MOK: variants seen among roughly 807,000 people sequenced by gnomAD.
MOK encodes the protein MOK protein kinase, also known as MAPK/MAK/MRK overlapping kinase.
MOK carries 59 observed loss-of-function variants against 54.2 expected under a neutral mutation model. The ratio of observed to expected loss-of-function variants is 1.09; its 90% CI spans 0.88 to 1.35. MOK has a LOEUF of 1.35. Among genes scored for constraint, MOK ranks in the 40% most tolerant of loss-of-function variants. The pLI, the probability that MOK is intolerant of heterozygous loss-of-function variation, is 0.00. For missense variants in MOK, 517 were observed against 526.2 expected, an observed-to-expected ratio of 0.98 and a Z score of 0.17; for synonymous variants, 210 against 202.7, an observed-to-expected ratio of 1.04 and a Z score of -0.31.
the MOK span, among the ~76,000 whole-genome samples, chr14:102,217,245 C>T: frequency 1.3e-5 from 2 of 152,168 alleles, no homozygotes; most frequent in Non-Finnish European, 1.5e-5. Flanking sequence ...CCAGTGACAG[C>T]CCGGGCCGGT....
At chr14:102,226,160 G>A (rs534515303), downstream of MOK, 76 of 596,732 alleles carry the variant, frequency 1.3e-4, 1 homozygote, top group African/African-American at 1.4e-3. This position sits in a 1 kb window ranked among gnomAD's most constrained non-coding sequence, Gnocchi z 4.8. Flanking sequence ...GATGGAGATG[G>A]CTGCTTACTG....
At chr14:102,269,951 T>C (rs1400962873) in intron 2 of MOK, among the ~76,000 whole-genome samples, 3 of 152,224 alleles carry the variant, frequency 2.0e-5, no homozygotes, top group African/African-American at 7.2e-5. Context: ...TACAGAACAG[T>C]ATATTCAACA....
intron 2 of MOK, among the ~76,000 whole-genome samples, chr14:102,269,469 CTTTT>C (rs549235481): frequency 3.9e-5 from 5 of 129,360 alleles, no homozygotes; most frequent in African/African-American, 8.6e-5. Context: ...CCACAACCAG[CTTTT>C]TTTTTTTTTT....
chr14:102,268,161 A>G (rs1338232586), intron 2 of MOK, among the ~76,000 whole-genome samples: 3 of 152,178 alleles, frequency 2.0e-5, no homozygotes, highest in African/African-American at 7.2e-5. Context: ...TAATAGGAAA[A>G]CCAGTTATCA....
At chr14:102,218,703 G>A in the MOK span, among the ~76,000 whole-genome samples, 3 of 151,956 alleles carry the variant, frequency 2.0e-5, no homozygotes, top group East Asian at 1.9e-4. Flanking sequence ...GTGACTCTGC[G>A]GGGAGCCAAG....
chr14:102,268,199 A>G (rs1194568712), intron 2 of MOK, among the ~76,000 whole-genome samples: 1 of 152,184 alleles, frequency 6.6e-6, no homozygotes, highest in Non-Finnish European at 1.5e-5. Context: ...TGCTTATTGT[A>G]GATAGGATTC....
chr14:102,218,046 G>A, the MOK span, among the ~76,000 whole-genome samples: 5 of 152,232 alleles, frequency 3.3e-5, no homozygotes, highest in Non-Finnish European at 7.3e-5. Flanking sequence ...CTGGCACCAA[G>A]CTCCCGGATG....
intron 4 of MOK, among the ~76,000 whole-genome samples, chr14:102,256,187 C>T (rs2066932746): frequency 6.6e-6 from 1 of 151,950 alleles, no homozygotes; most frequent in East Asian, 1.9e-4. Flanking sequence ...GCCTCGACCT[C>T]CTGGGCTCAA....
At position 102,251,781 on chromosome 14, in the gene MOK, A is replaced by G; in HGVS notation, c.386T>C (p.Val129Ala). ...CTTTATTAGTATATTTTCTGGTTTT[A>G]CATCTCTGTGAAATATTCCATTTCT... ...IHRNGIFHRDVKPENILIKQD... is the reference protein window; with the variant it reads ...IHRNGIFHRDAKPENILIKQD... Residue 129 changes from valine (V) to alanine (A), a missense_variant, in exon 6 of 12, where the codon GTA (valine) becomes GCA (alanine). Coordinates refer to ENST00000361847, the MANE Select transcript of MOK (RefSeq NM_014226.3). 4 of 1,572,910 alleles carry G rather than the reference A, an allele frequency of 2.5e-6. No individual in the cohort carries two copies. In the East Asian group the frequency reaches 6.7e-5, roughly 26 times the overall value.
chr14:102,282,639 T>G (rs1371497759), intron 2 of MOK, among the ~76,000 whole-genome samples: 1 of 151,830 alleles, frequency 6.6e-6, no homozygotes, highest in Non-Finnish European at 1.5e-5. Flanking sequence ...GAGACTGAGG[T>G]GGGAAGATCA....
At chr14:102,302,884 A>G (rs2072394411) in intron 1 of MOK, among the ~76,000 whole-genome samples, 1 of 151,712 alleles carries the variant, frequency 6.6e-6, no homozygotes, top group South Asian at 2.1e-4. Flanking sequence ...GAGGAAGGCC[A>G]GGCACAGTGG....
chr14:102,295,043 T>C (rs1179295085), intron 1 of MOK, among the ~76,000 whole-genome samples: 1 of 152,156 alleles, frequency 6.6e-6, no homozygotes, highest in Non-Finnish European at 1.5e-5. Context: ...GTTCCTGTTC[T>C]CTCCAACAAG....
At chr14:102,297,696 GGCGGGAACCGGGGCTGCACGTGGTGCTT>G (rs1210576845) in intron 1 of MOK, among the ~76,000 whole-genome samples, 15 of 152,210 alleles carry the variant, frequency 9.9e-5, no homozygotes, top group Non-Finnish European at 2.9e-5. Flanking sequence ...GAGAGGTGCA[GGCGGGAACCGGGGCTGCACGTGGTGCTT>G]GCGGGCCAGC....
chr14:102,251,582 C>A lies in MOK; in HGVS notation c.411+174G>T, dbSNP rs988551135. The A allele has an allele frequency of 5.6e-5, 38 of 680,100 alleles. No individual in the cohort carries two copies. In the African/African-American group the frequency reaches 6.3e-4, roughly 11 times the overall value. 42.1% of individuals were successfully genotyped at this position (680,100 alleles called of 1,614,324 possible). On this transcript the variant is annotated intron_variant, in intron 6 of 11. Coordinates refer to ENST00000361847, the MANE Select transcript of MOK (RefSeq NM_014226.3). ...CAGGTGCAGTCAGTTATGTTGATGG[C>A]ATTTATTAAATAAACCATTTTTTAC... is the stretch of plus-strand genomic sequence containing the variant.
At chr14:102,226,670 C>T (rs8005884), downstream of MOK, among the ~76,000 whole-genome samples, 32,011 of 152,186 alleles carry the variant, frequency 0.21, 3,911 homozygotes, top group African/African-American at 0.34. This position sits in a 1 kb window ranked among gnomAD's most constrained non-coding sequence, Gnocchi z 4.8. Context: ...CTGCCAAGAG[C>T]AGGCAGGTGC....
chr14:102,236,844 C>A lies in MOK; in HGVS notation c.591-3055G>T, dbSNP rs1055526922. 6.6e-5 allele frequency among the ~76,000 whole-genome samples: 10 copies of A among 152,316 alleles called. No individual in the cohort carries two copies. The highest frequency in any genetic ancestry group is 2.4e-4 in the African/African-American group (10 of 41,564). On this transcript the variant is annotated intron_variant, in intron 7 of 11. Coordinates refer to ENST00000361847, the MANE Select transcript of MOK (RefSeq NM_014226.3). The surrounding 1 kb of genome is among the most constrained non-coding windows in gnomAD (Gnocchi z 4.5). ...TGTTCACGCCGTCTTCTTAGGCCAA[C>A]ACGTTCTTCATATAACACCACCATC...
intron 2 of MOK, among the ~76,000 whole-genome samples, chr14:102,268,871 C>A (rs1471455553): frequency 6.6e-6 from 1 of 150,788 alleles, no homozygotes; most frequent in African/African-American, 2.4e-5. Flanking sequence ...GCCGAAATCA[C>A]GCCACTGCAC....
At chr14:102,282,495 G>C (rs1433945371) in intron 2 of MOK, among the ~76,000 whole-genome samples, 1 of 151,298 alleles carries the variant, frequency 6.6e-6, no homozygotes, top group Non-Finnish European at 1.5e-5. Context: ...AGCCCTTTGT[G>C]AGGCTAAGGC....
intron 2 of MOK, among the ~76,000 whole-genome samples, chr14:102,281,755 T>C (rs1375828269): frequency 6.6e-6 from 1 of 152,162 alleles, no homozygotes; most frequent in Non-Finnish European, 1.5e-5. Context: ...GTCTGCTCTT[T>C]AGATACGGGA....
Sources: allele counts gnomAD v4.1 joint callset (sites outside exome capture counted in the v4.1 genomes callset), GRCh38; gene constraint gnomAD v4.1.1; non-coding constraint Gnocchi (gnomAD v3.1); transcripts MANE v1.5; gene names NCBI Gene and HGNC (gene_info 2026-07-23, HGNC 2026-07-21).